Variants in SLC9A8 observed in about 807,000 individuals in gnomAD.
SLC9A8 encodes solute carrier family 9 member A8, also known as sodium/hydrogen exchanger 8.
Under a neutral mutation model 66.6 loss-of-function variants are expected in SLC9A8, and 48 were observed. The ratio of observed to expected loss-of-function variants is 0.72; its 90% CI spans 0.57 to 0.92. SLC9A8 has a LOEUF of 0.92. SLC9A8 is among the 40% of genes least tolerant of loss of function. The probability of loss-of-function intolerance (pLI) is 0.00; values close to 1 mark genes in which losing one functional copy is unlikely to be tolerated. For missense variants in SLC9A8, 599 were observed against 747.3 expected, an observed-to-expected ratio of 0.80 and a Z score of 2.31; for synonymous variants, 274 against 282.6, an observed-to-expected ratio of 0.97 and a Z score of 0.31.
At position 49,850,888 on chromosome 20, in the gene SLC9A8, CAG is replaced by C. The variant is rs776405972; in HGVS notation, c.569+45_569+46del. 4.3e-4 allele frequency: 617 copies of C among 1,450,262 alleles called. 2 individuals are homozygous for C. The highest frequency in any genetic ancestry group is 5.6e-4 in the Non-Finnish European group (589 of 1,045,648). The allele number at this position is 1,450,262 out of a possible 1,614,324, so 89.8% of individuals were successfully genotyped here. A position where few individuals can be genotyped will look rare whatever the true frequency, so the allele number is the denominator to read the frequency against. ...AACACCCATGCGACTGCTTTTCAGA[CAG>C]GGGAAATGTTTCTCCACATTGCTTC... is the stretch of plus-strand genomic sequence containing the variant. On this transcript the variant is annotated intron_variant, in intron 7 of 15. Coordinates refer to ENST00000361573, the MANE Select transcript of SLC9A8 (RefSeq NM_015266.3).
intron 2 of SLC9A8, 93 bp from the exon 3 acceptor site, chr20:49,822,968 C>T (rs775414522): frequency 3.8e-5 from 37 of 971,570 alleles, no homozygotes; most frequent in Middle Eastern, 3.1e-4. Flanking sequence ...TCTGTGAGGA[C>T]CCCCCCAGAA....
intron 5 of SLC9A8, among the ~76,000 whole-genome samples, chr20:49,848,898 G>A (rs943215429): frequency 2.6e-5 from 4 of 152,158 alleles, no homozygotes; most frequent in African/African-American, 7.2e-5. Context: ...GTCAGGGACC[G>A]TGTTGTGCGA....
intron 14 of SLC9A8, among the ~76,000 whole-genome samples, chr20:49,885,913 G>A (rs1324927633): frequency 6.6e-6 from 1 of 152,202 alleles, no homozygotes; most frequent in Non-Finnish European, 1.5e-5. Context: ...TGTTAGATCT[G>A]CAGATTCCCA....
At chr20:49,828,560 T>G (rs1600655829) in intron 3 of SLC9A8, among the ~76,000 whole-genome samples, 2 of 145,050 alleles carry the variant, frequency 1.4e-5, no homozygotes, top group Admixed American at 6.9e-5. Context: ...AAAAAGGGCC[T>G]GGCACAGTGG....
At chr20:49,839,362 T>G (rs1295145255) in intron 3 of SLC9A8, among the ~76,000 whole-genome samples, 179 bp from the exon 4 acceptor site, 2 of 152,198 alleles carry the variant, frequency 1.3e-5, no homozygotes, top group Non-Finnish European at 2.9e-5. Flanking sequence ...GCCTGAGATG[T>G]GAGTGAGAAA....
At chr20:49,857,722 A>C (rs73125651) in intron 8 of SLC9A8, among the ~76,000 whole-genome samples, 11,920 of 152,270 alleles carry the variant, frequency 0.078, 497 homozygotes, top group African/African-American at 0.097. Flanking sequence ...TGTTTTAAAA[A>C]AAACAAACAA....
At chr20:49,853,547 G>T (rs1016235543) in intron 7 of SLC9A8, among the ~76,000 whole-genome samples, 3 of 152,238 alleles carry the variant, frequency 2.0e-5, no homozygotes, top group Non-Finnish European at 2.9e-5. Flanking sequence ...CTCTGTCTGG[G>T]TTGTGGTGCA....
At position 49,883,839 on chromosome 20, in the gene SLC9A8, C is replaced by T. The variant is rs758040571; in HGVS notation, c.1271-7C>T. ...TGTGTCCTCTCACACTGTTTGCTGTCACCCAGGCCTGCGGGGAGCCATCCC... is the reference window on the plus strand; with the variant it reads ...TGTGTCCTCTCACACTGTTTGCTGTTACCCAGGCCTGCGGGGAGCCATCCC... On this transcript the variant is annotated splice_polypyrimidine_tract_variant and splice_region_variant and intron_variant, in intron 13 of 15. Coordinates refer to ENST00000361573, the MANE Select transcript of SLC9A8 (RefSeq NM_015266.3). The T allele has an allele frequency of 1.9e-6, 3 of 1,601,066 alleles. No individual in the cohort carries two copies. The highest frequency in any genetic ancestry group is 2.5e-6 in the Non-Finnish European group (3 of 1,177,776).
intron 3 of SLC9A8, chr20:49,831,002 G>A: frequency 1.3e-6 from 1 of 747,062 alleles, no homozygotes. Flanking sequence ...CATGGCAGCT[G>A]CAGCCAACCA....
intron 1 of SLC9A8, among the ~76,000 whole-genome samples, chr20:49,814,778 C>G (rs1229073471): frequency 6.6e-6 from 1 of 152,150 alleles, no homozygotes; most frequent in Non-Finnish European, 1.5e-5. Flanking sequence ...CTCTGATTCC[C>G]TACCGTTCTT....
chr20:49,865,001 A>G (rs2088901763), intron 10 of SLC9A8, among the ~76,000 whole-genome samples, 157 bp downstream of exon 10: 1 of 152,218 alleles, frequency 6.6e-6, no homozygotes, highest in Admixed American at 6.5e-5. Flanking sequence ...CTAGAAACAC[A>G]TCTGGATTTA....
intron 10 of SLC9A8, among the ~76,000 whole-genome samples, chr20:49,869,947 T>G (rs1223876147): frequency 6.6e-6 from 1 of 152,190 alleles, no homozygotes; most frequent in Non-Finnish European, 1.5e-5. Context: ...GCAGCACTGC[T>G]TGGGAGAGAA....
At chr20:49,816,884 A>G (rs1282220455) in intron 2 of SLC9A8, among the ~76,000 whole-genome samples, 2 of 151,876 alleles carry the variant, frequency 1.3e-5, no homozygotes, top group East Asian at 2.0e-4. Context: ...GCCTGCCACC[A>G]TGCCCAGCTA....
chr20:49,831,575 C>A (rs899660840), intron 3 of SLC9A8, among the ~76,000 whole-genome samples: 2 of 152,170 alleles, frequency 1.3e-5, no homozygotes, highest in African/African-American at 4.8e-5. Context: ...CTTCCCACAG[C>A]TTCCCCAAGA....
chr20:49,815,108 C>T lies in SLC9A8; in HGVS notation c.127C>T (p.Leu43Phe). 6.2e-7 allele frequency: 1 copy of T among 1,609,062 alleles called. No homozygotes were observed. The highest frequency in any genetic ancestry group is 8.5e-7 in the Non-Finnish European group (1 of 1,177,928). Residue 43 changes from leucine (L) to phenylalanine (F), a missense_variant, in exon 2 of 16, where the codon CTC becomes TTC. By Grantham distance (22) the Leu-to-Phe change is conservative. Transcript: ENST00000361573. The part of the protein sequence containing the change: ...LVLPTPGKPI[L>F]PVQTGEQAQQ... ...GCTCCCGACCCCTGGCAAGCCCATC[C>T]TCCCCGTGCAGACAGGGGAGCAGGC...
At chr20:49,842,905 G>A (rs934356413) in intron 4 of SLC9A8, among the ~76,000 whole-genome samples, 14 of 152,130 alleles carry the variant, frequency 9.2e-5, no homozygotes, top group Non-Finnish European at 1.3e-4. Flanking sequence ...TGGTGGCCCC[G>A]GTTTTCCTTG....
chr20:49,830,119 T>G, intron 3 of SLC9A8: 2 of 742,376 alleles, frequency 2.7e-6, no homozygotes, highest in Non-Finnish European at 5.1e-6. Flanking sequence ...GCCATCTCTG[T>G]CTGTTACCAG....
At chr20:49,831,587 C>T (rs779972701) in intron 3 of SLC9A8, among the ~76,000 whole-genome samples, 7 of 152,140 alleles carry the variant, frequency 4.6e-5, no homozygotes, top group South Asian at 4.1e-4. Flanking sequence ...TCCCCAAGAG[C>T]GAAGAGGCTA....
intron 14 of SLC9A8, among the ~76,000 whole-genome samples, chr20:49,884,687 C>T (rs2089826449): frequency 6.6e-6 from 1 of 152,072 alleles, no homozygotes; most frequent in Non-Finnish European, 1.5e-5. Flanking sequence ...GAGGGGTACT[C>T]CCCCAAGGAC....
Sources: allele counts gnomAD v4.1 joint callset (sites outside exome capture counted in the v4.1 genomes callset), GRCh38; gene constraint gnomAD v4.1.1; transcripts MANE v1.5; gene names NCBI Gene and HGNC (gene_info 2026-07-23, HGNC 2026-07-21).